Variants in FLACC1 observed in about 807,000 individuals in gnomAD.
FLACC1 encodes the protein flagellum associated containing coiled-coil domains 1, also known as flagellum-associated coiled-coil domain-containing protein 1.
Under a neutral mutation model 62.8 loss-of-function variants are expected in FLACC1, and 66 were observed. That is an observed-to-expected ratio of 1.05 (90% CI 0.86 to 1.29). The LOEUF is 1.29. Among genes scored for constraint, FLACC1 ranks in the 50% most tolerant of loss-of-function variants. The probability of loss-of-function intolerance (pLI) is 0.00; values close to 1 mark genes in which losing one functional copy is unlikely to be tolerated. For synonymous variants in FLACC1, 156 were observed against 161.0 expected (o/e 0.97, Z 0.24); for missense variants, 452 against 489.1 (o/e 0.92, Z 0.71).
chr2:201,325,534 T>G (rs1462064196), intron 9 of FLACC1, among the ~76,000 whole-genome samples: 3 of 152,088 alleles, frequency 2.0e-5, no homozygotes, highest in Non-Finnish European at 2.9e-5. Context: ...GAGGCTACTA[T>G]GAACGCCTTT....
At chr2:201,323,557 G>C (rs1950443667) in intron 9 of FLACC1, among the ~76,000 whole-genome samples, 2 of 152,122 alleles carry the variant, frequency 1.3e-5, no homozygotes, top group East Asian at 3.8e-4. Context: ...GAGGGAATTT[G>C]TCACTAGCAA....
chr2:201,318,465 A>G (rs1407169377), intron 9 of FLACC1, among the ~76,000 whole-genome samples: 1 of 152,206 alleles, frequency 6.6e-6, no homozygotes, highest in Non-Finnish European at 1.5e-5. Context: ...AAAAGAAGAT[A>G]TACAAATGGC....
Position 201,348,242 on chromosome 2 carries a change from G to T in FLACC1, c.234+12C>A, listed in dbSNP as rs1223529190. 8 of 1,612,264 alleles carry T rather than the reference G, an allele frequency of 5.0e-6. No homozygotes were observed. Among genetic ancestry groups the T allele is most frequent in the African/African-American group, 1.3e-5 (1 of 74,816 alleles). On this transcript the variant is annotated intron_variant, in intron 4 of 14. Transcript: ENST00000392257. ...AATTTTAGTCCCACCGCCCTCTCCT[G>T]CCTTTACTCACATAAAATGATTTAT... is the stretch of plus-strand genomic sequence containing the variant.
chr2:201,333,797 T>A (rs1211721249), intron 7 of FLACC1, among the ~76,000 whole-genome samples: 1 of 152,166 alleles, frequency 6.6e-6, no homozygotes, highest in Non-Finnish European at 1.5e-5. Flanking sequence ...CTTAATCCAG[T>A]CTATCATAGT....
At chr2:201,291,726 C>T (rs1949739508) in intron 12 of FLACC1, among the ~76,000 whole-genome samples, 1 of 152,130 alleles carries the variant, frequency 6.6e-6, no homozygotes, top group Non-Finnish European at 1.5e-5. Flanking sequence ...TCAAACTACT[C>T]CGAGCTAAAG....
intron 11 of FLACC1, 59 bp from the exon 12 acceptor site, chr2:201,299,359 A>T: frequency 7.2e-7 from 1 of 1,393,134 alleles, no homozygotes; most frequent in East Asian, 2.3e-5. Context: ...TCTTCTAGGG[A>T]GTTAAGAAAG....
chr2:201,345,460 GTGTGTGTGTGTGTGTGTGTGTGTGTA>G (rs1950892976), intron 5 of FLACC1, among the ~76,000 whole-genome samples: 1 of 149,568 alleles, frequency 6.7e-6, no homozygotes, highest in African/African-American at 2.5e-5. Context: ...TTGTGTGTGT[GTGTGTGTGTGTGTGTGTGTGTGTGTA>G]TGTGTGTGTG....
chr2:201,311,184 A>G (rs2125566436), intron 9 of FLACC1, among the ~76,000 whole-genome samples: 1 of 152,032 alleles, frequency 6.6e-6, no homozygotes, highest in East Asian at 1.9e-4. Flanking sequence ...TCCTGGGACC[A>G]GAAAGATTCA....
Position 201,309,925 on chromosome 2 carries a change from A to AAAAAAAAAG in FLACC1, c.676-676_676-675insCTTTTTTTT, listed in dbSNP as rs764506462. 1.1e-3 allele frequency among the ~76,000 whole-genome samples: 107 copies of AAAAAAAAAG among 98,614 alleles called. 2 individuals are homozygous for AAAAAAAAAG. Among genetic ancestry groups the AAAAAAAAAG allele is most frequent in the Middle Eastern group, 6.0e-3 (1 of 166 alleles). 64.7% of individuals were successfully genotyped at this position (98,614 alleles called of 152,430 possible). A position where few individuals can be genotyped will look rare whatever the true frequency, so the allele number is the denominator to read the frequency against. On this transcript the variant is annotated intron_variant, in intron 9 of 14. Coordinates refer to ENST00000392257, the MANE Select transcript of FLACC1 (RefSeq NM_001127391.3). ...TGTCTCAAAAAAAAAAAAAAAAAAAAAAGAAGAAGAAAGGAAATACCTAGT... is the reference window on the plus strand; with the variant it reads ...TGTCTCAAAAAAAAAAAAAAAAAAAAAAAAAAAAGAAGAAGAAGAAAGGAAATACCTAGT...
At chr2:201,316,259 T>C (rs958654396) in intron 9 of FLACC1, among the ~76,000 whole-genome samples, 1 of 151,846 alleles carries the variant, frequency 6.6e-6, no homozygotes, top group African/African-American at 2.4e-5. Flanking sequence ...ATACAAAAGA[T>C]AAATGAAACA....
chr2:201,296,262 C>A (rs533807691), intron 12 of FLACC1, among the ~76,000 whole-genome samples: 22 of 152,114 alleles, frequency 1.4e-4, no homozygotes, highest in African/African-American at 5.3e-4. Flanking sequence ...GGAACCAACC[C>A]AAATGTCGAA....
At position 201,332,673 on chromosome 2, in the gene FLACC1, C is replaced by A. The variant is rs575019801; in HGVS notation, c.525-1840G>T. ...CTAAGAAAATCCCATATTTCTCCTG[C>A]CTAATTGAGATTTTGTACCCTTTGA... On this transcript the variant is annotated intron_variant, in intron 7 of 14. Coordinates refer to ENST00000392257, the MANE Select transcript of FLACC1 (RefSeq NM_001127391.3). Among the ~76,000 whole-genome samples, 12 of 152,180 alleles carry A rather than the reference C, an allele frequency of 7.9e-5. No homozygotes were observed. In the South Asian group the frequency reaches 2.5e-3, roughly 32 times the overall value.
At chr2:201,360,692 C>T (rs1951178887), upstream of FLACC1, among the ~76,000 whole-genome samples, 2 of 152,322 alleles carry the variant, frequency 1.3e-5, no homozygotes, top group African/African-American at 2.4e-5. Flanking sequence ...GCTACCCTTG[C>T]ACCTAGAAAG....
chr2:201,363,701 C>A, the FLACC1 span, among the ~76,000 whole-genome samples: 2 of 152,092 alleles, frequency 1.3e-5, no homozygotes, highest in Admixed American at 1.3e-4. Flanking sequence ...TTGCCTGGAA[C>A]AGCAGCCTGA....
At chr2:201,305,208 A>G (rs568365183) in intron 11 of FLACC1, among the ~76,000 whole-genome samples, 22 of 152,360 alleles carry the variant, frequency 1.4e-4, no homozygotes, top group Non-Finnish European at 2.8e-4. Flanking sequence ...AATATCCACA[A>G]TCTACTAAGA....
chr2:201,318,683 A>G (rs1030415458), intron 9 of FLACC1, among the ~76,000 whole-genome samples: 45 of 152,222 alleles, frequency 3.0e-4, no homozygotes, highest in Non-Finnish European at 8.8e-5. Context: ...GGAAAACAGC[A>G]TAGAGATTCT....
intron 1 of FLACC1, among the ~76,000 whole-genome samples, 187 bp from the exon 2 acceptor site, chr2:201,351,638 A>G (rs1951031205): frequency 6.6e-6 from 1 of 152,196 alleles, no homozygotes; most frequent in Non-Finnish European, 1.5e-5. Context: ...TTGACTTGAA[A>G]GCAATTTAAA....
rs1488235596 is a variant in FLACC1 at position 201,288,448 on chromosome 2, T to G, written c.*207A>C. The G allele has an allele frequency of 3.9e-6, 2 of 506,864 alleles. No homozygotes were observed. Among genetic ancestry groups the G allele is most frequent in the East Asian group, 6.4e-5 (2 of 31,346 alleles). The allele number at this position is 506,864 out of a possible 1,614,324, so 31.4% of individuals were successfully genotyped here. A position where few individuals can be genotyped will look rare whatever the true frequency, so the allele number is the denominator to read the frequency against. ...CTCAGAGAAAGCTCAGCTCCCAGTATGGAGAGCATCATTTTTCAGTGAAGA... is the reference window on the plus strand; with the variant it reads ...CTCAGAGAAAGCTCAGCTCCCAGTAGGGAGAGCATCATTTTTCAGTGAAGA... On this transcript the variant is annotated 3_prime_UTR_variant, in exon 15 of 15. Transcript: ENST00000392257.
At chr2:201,316,600 T>C (rs1950311893) in intron 9 of FLACC1, among the ~76,000 whole-genome samples, 1 of 152,102 alleles carries the variant, frequency 6.6e-6, no homozygotes, top group East Asian at 1.9e-4. Flanking sequence ...CAGGACTAGA[T>C]GGATTCACAG....
Sources: gnomAD v4.1 joint callset for allele counts (sites outside exome capture counted in the v4.1 genomes callset) on GRCh38, gnomAD v4.1.1 for gene constraint, MANE v1.5 for transcripts, NCBI Gene and HGNC (gene_info 2026-07-23, HGNC 2026-07-21) for gene names.